Variants in NAV2 observed in about 807,000 individuals in gnomAD.
NAV2 encodes helicase, APC down-regulated 1.
Under a neutral mutation model 223.2 loss-of-function variants are expected in NAV2, and 54 were observed. The ratio of observed to expected loss-of-function variants is 0.24; its 90% confidence interval spans 0.19 to 0.30. The LOEUF (loss-of-function observed/expected upper bound fraction) is 0.30, where lower values mean the gene tolerates loss of function less well. Ranked by LOEUF, NAV2 falls within the 10% of genes least tolerant of loss-of-function variation. The pLI is 1.00. For missense variants in NAV2, 2,806 were observed against 3,147.5 expected (o/e 0.89, Z 2.60); for synonymous variants, 1,279 against 1,239.3 (o/e 1.03, Z -0.67).
chr11:19,478,631 C>T (rs1185542434), intron 1 of NAV2, among the ~76,000 whole-genome samples: 5 of 152,210 alleles, frequency 3.3e-5, no homozygotes, highest in African/African-American at 1.2e-4. Context: ...ATAAGTGCAA[C>T]AAGGAGATAG....
Position 19,998,334 on chromosome 11 carries a change from G to A in NAV2, c.2768+14087G>A, listed in dbSNP as rs943157464. Among the ~76,000 whole-genome samples, 2 of 151,724 alleles carry A rather than the reference G, an allele frequency of 1.3e-5. No homozygotes were observed. Among genetic ancestry groups the A allele is most frequent in the Admixed American group, 6.6e-5 (1 of 15,216 alleles). ...CTCTCTCATTGGCCATGGTGCAGGG[G>A]TCTAGGCTGCCGTCCTCTCTCATCT... On this transcript the variant is annotated intron_variant, in intron 11 of 37. Coordinates refer to ENST00000349880, the MANE Select transcript of NAV2 (RefSeq NM_145117.5). This position sits in a 1 kb window ranked among gnomAD's most constrained non-coding sequence, Gnocchi z 5.0.
At chr11:20,000,853 T>G (rs749129039) in intron 11 of NAV2, among the ~76,000 whole-genome samples, 1 of 152,186 alleles carries the variant, frequency 6.6e-6, no homozygotes, top group Non-Finnish European at 1.5e-5. Context: ...CCTTGTGTGC[T>G]GCGGTTCCTG....
chr11:19,857,007 G>A (rs2061443304), intron 3 of NAV2, among the ~76,000 whole-genome samples: 2 of 152,228 alleles, frequency 1.3e-5, no homozygotes, highest in African/African-American at 4.8e-5. Flanking sequence ...ACACAGGCTG[G>A]TGTGAGGGAA....
Position 19,948,858 on chromosome 11 carries a change from C to T in NAV2, c.2423C>T (p.Ala808Val). ...PSMGNGYPPR[A>V]NASRFINTES... Reference sequence around the variant, plus strand: ...ATGGGCAATGGGTATCCCCCTCGAGCCAACGCCAGCAGGTTCATCAACACT... The same window carrying T: ...ATGGGCAATGGGTATCCCCCTCGAGTCAACGCCAGCAGGTTCATCAACACT... The change falls in exon 10 of 38, where the codon GCC (alanine) becomes GTC (valine). Residue 808 changes from alanine to valine, a missense_variant. By Grantham distance (64) the Ala-to-Val change is moderately conservative. Around this residue, in one of 4 missense-constraint regions of NAV2, gnomAD observed 1,167 missense variants for 1,180.5 expected, o/e 0.99. Transcript: ENST00000349880. 6.2e-7 allele frequency: 1 copy of T among 1,614,068 alleles called. No homozygotes were observed. The highest frequency in any genetic ancestry group is 8.5e-7 in the Non-Finnish European group (1 of 1,180,032).
At chr11:19,902,380 C>A (rs1387865519) in intron 6 of NAV2, among the ~76,000 whole-genome samples, 2 of 152,072 alleles carry the variant, frequency 1.3e-5, no homozygotes, top group Non-Finnish European at 2.9e-5. Context: ...AGAAGAATGC[C>A]ACCATGTTTG....
intron 1 of NAV2, among the ~76,000 whole-genome samples, chr11:19,807,427 C>A (rs1443959823): frequency 6.6e-6 from 1 of 152,144 alleles, no homozygotes; most frequent in Non-Finnish European, 1.5e-5. Flanking sequence ...AAAAGCTGGG[C>A]CTTTCTTTTT....
chr11:19,903,397 G>A (rs923012070), intron 6 of NAV2, among the ~76,000 whole-genome samples: 1 of 152,106 alleles, frequency 6.6e-6, no homozygotes, highest in African/African-American at 2.4e-5. Flanking sequence ...CTTAGCAGTG[G>A]TTATGCTTGT....
intron 2 of NAV2, among the ~76,000 whole-genome samples, chr11:19,841,131 A>G (rs1282966608): frequency 6.6e-6 from 1 of 152,202 alleles, no homozygotes; most frequent in African/African-American, 2.4e-5. Context: ...AGATCTCTGA[A>G]GATTGGGATT....
intron 1 of NAV2, among the ~76,000 whole-genome samples, chr11:19,358,457 T>G (rs954694792): frequency 6.6e-6 from 1 of 152,188 alleles, no homozygotes; most frequent in African/African-American, 2.4e-5. Context: ...AGAACTGGGC[T>G]TGGATGTACA....
intron 26 of NAV2, among the ~76,000 whole-genome samples, chr11:20,086,946 G>T (rs11025381): frequency 0.48 from 72,874 of 150,756 alleles, 17,877 homozygotes; most frequent in South Asian, 0.7. Context: ...GTGTAGATTT[G>T]GGAGACACAG....
intron 1 of NAV2, among the ~76,000 whole-genome samples, chr11:19,616,654 C>A (rs1590689408): frequency 1.3e-5 from 2 of 151,904 alleles, no homozygotes; most frequent in African/African-American, 4.8e-5. Flanking sequence ...GGCTGTCCTG[C>A]ATGCCCTGAG....
chr11:19,945,187 C>G (rs1404540411), intron 8 of NAV2, among the ~76,000 whole-genome samples: 1 of 78,142 alleles, frequency 1.3e-5, no homozygotes, highest in Non-Finnish European at 2.4e-5. Flanking sequence ...CTTCCCTTCC[C>G]TTCCCTTCCC....
intron 11 of NAV2, among the ~76,000 whole-genome samples, chr11:20,029,529 A>G (rs2055486208): frequency 6.6e-6 from 1 of 152,076 alleles, no homozygotes; most frequent in South Asian, 2.1e-4. Flanking sequence ...TCATCTCCCT[A>G]TTTTATGTTT....
intron 1 of NAV2, among the ~76,000 whole-genome samples, chr11:19,635,843 G>A (rs1456361423): frequency 5.3e-5 from 8 of 152,106 alleles, no homozygotes; most frequent in Admixed American, 3.3e-4. Context: ...GTTTTGGTGG[G>A]GACAAACCAC....
chr11:19,850,473 T>C (rs1200783092), intron 3 of NAV2, among the ~76,000 whole-genome samples: 4 of 151,944 alleles, frequency 2.6e-5, no homozygotes, highest in Admixed American at 6.6e-5. Context: ...CTGGCCTGAA[T>C]GTGTGTGTGT....
chr11:19,883,439 A>C (rs1565490052), intron 5 of NAV2, among the ~76,000 whole-genome samples: 1 of 152,236 alleles, frequency 6.6e-6, no homozygotes, highest in Non-Finnish European at 1.5e-5. Flanking sequence ...TCTAGAGTCC[A>C]GGAGAGGAGC....
At chr11:20,023,699 G>GGTGGGTGGGT (rs1554902315) in intron 11 of NAV2, among the ~76,000 whole-genome samples, 2,079 of 144,656 alleles carry the variant, frequency 0.014, 32 homozygotes, top group Non-Finnish European at 0.022. Context: ...CAAATTGCTG[G>GGTGGGTGGGT]GTGTGTGTGT....
chr11:19,795,651 G>A (rs1406572233), intron 1 of NAV2, among the ~76,000 whole-genome samples: 1 of 152,236 alleles, frequency 6.6e-6, no homozygotes, highest in East Asian at 1.9e-4. Flanking sequence ...AAGGAAGACA[G>A]GGGAATGGGA....
At chr11:19,362,726 C>A (rs557501038) in intron 1 of NAV2, among the ~76,000 whole-genome samples, 45 of 152,272 alleles carry the variant, frequency 3.0e-4, no homozygotes, top group Admixed American at 2.7e-3. Context: ...ACTTAGTTGT[C>A]TTCTCTGTGC....
Sources: allele counts gnomAD v4.1 joint callset (sites outside exome capture counted in the v4.1 genomes callset), GRCh38; gene constraint gnomAD v4.1.1; regional missense constraint gnomAD v4.1.1; non-coding constraint Gnocchi (gnomAD v3.1); transcripts MANE v1.5; gene names NCBI Gene and HGNC (gene_info 2026-07-23, HGNC 2026-07-21).